PTER: variants seen among roughly 807,000 people sequenced by gnomAD.
PTER encodes phosphotriesterase related.
Under a neutral mutation model 29.6 loss-of-function variants are expected in PTER, and 38 were observed. The observed-to-expected ratio is 1.28, with a 90% CI of 0.99 to 1.68. The LOEUF is 1.68. Among genes scored for constraint, PTER ranks in the 40% most tolerant of loss-of-function variants. The pLI, the probability that PTER is intolerant of heterozygous loss-of-function variation, is 0.00. For synonymous variants in PTER, 172 were observed against 154.5 expected (o/e 1.11, Z -0.84); for missense variants, 482 against 427.8 (o/e 1.13, Z -1.12).
In PTER at chr10:16,511,015, A is replaced by G. The variant is rs568489904; in HGVS notation, c.840-31A>G. 6.3e-6 allele frequency: 10 copies of G among 1,577,432 alleles called. No homozygotes were observed. In the African/African-American group the frequency reaches 9.5e-5, roughly 15 times the overall value. On this transcript the variant is annotated intron_variant, in intron 4 of 4. Transcript: ENST00000535784. ...CCTGAAAAGCGAAAATGAAAGACAA[A>G]TGACATCTAATGAGTTAACATTTTT...
intron 1 of PTER, among the ~76,000 whole-genome samples, chr10:16,444,279 C>G (rs983295769): frequency 6.6e-6 from 1 of 152,110 alleles, no homozygotes; most frequent in South Asian, 2.1e-4. Context: ...AGGCATGAAC[C>G]ACCGCACCCG....
At chr10:16,481,890 C>T (rs533993933) in intron 1 of PTER, among the ~76,000 whole-genome samples, 9 of 152,224 alleles carry the variant, frequency 5.9e-5, no homozygotes, top group African/African-American at 1.9e-4. Flanking sequence ...ATTAATGGTA[C>T]TGTGATTTCA....
chr10:16,492,806 T>C (rs1000282471), intron 3 of PTER, among the ~76,000 whole-genome samples: 2 of 152,212 alleles, frequency 1.3e-5, no homozygotes, highest in African/African-American at 4.8e-5. Context: ...CGCATCACTG[T>C]CTTTGAAAAT....
At chr10:16,508,008 A>T (rs1836645401) in intron 4 of PTER, among the ~76,000 whole-genome samples, 1 of 150,970 alleles carries the variant, frequency 6.6e-6, no homozygotes. Flanking sequence ...AATCTCAAAA[A>T]CATGATTTCC....
intron 1 of PTER, among the ~76,000 whole-genome samples, chr10:16,473,276 C>T (rs760765513): frequency 6.6e-6 from 1 of 151,994 alleles, no homozygotes; most frequent in Non-Finnish European, 1.5e-5. Flanking sequence ...CTGATGAAGT[C>T]AAAGGAAGAT....
At chr10:16,464,945 C>A (rs893628337) in intron 1 of PTER, among the ~76,000 whole-genome samples, 4 of 152,162 alleles carry the variant, frequency 2.6e-5, no homozygotes, top group African/African-American at 9.7e-5. Context: ...TCTTACATGG[C>A]AACAGGGAAG....
intron 1 of PTER, among the ~76,000 whole-genome samples, chr10:16,461,039 A>G (rs1026482558): frequency 2.9e-4 from 44 of 152,316 alleles, no homozygotes; most frequent in African/African-American, 1.1e-3. Context: ...CATTTGATAT[A>G]TCGGCAATAT....
chr10:16,445,313 G>A (rs1833979142), intron 1 of PTER, among the ~76,000 whole-genome samples: 1 of 152,196 alleles, frequency 6.6e-6, no homozygotes, highest in Non-Finnish European at 1.5e-5. Context: ...TCAGGAGGCT[G>A]AGGCAGGAGA....
chr10:16,486,654 A>G (rs778682039), intron 3 of PTER, 37 bp downstream of exon 3: 8 of 1,571,132 alleles, frequency 5.1e-6, no homozygotes, highest in Non-Finnish European at 6.9e-6. Flanking sequence ...GCAAACTGCC[A>G]TATAATTAAT....
At chr10:16,518,787 CTT>C in the PTER span, among the ~76,000 whole-genome samples, 1 of 152,078 alleles carries the variant, frequency 6.6e-6, no homozygotes, top group South Asian at 2.1e-4. Flanking sequence ...CAGACCTGAC[CTT>C]TGAGTCAGAA....
intron 1 of PTER, among the ~76,000 whole-genome samples, chr10:16,441,245 A>G (rs1362131591): frequency 2.0e-5 from 3 of 152,234 alleles, no homozygotes; most frequent in African/African-American, 4.8e-5. Flanking sequence ...AAGTTTTCCA[A>G]TACAGAGGAA....
In PTER at chr10:16,512,510, T is replaced by C. The variant is rs2069657764; in HGVS notation, c.*1254T>C. 6.6e-6 allele frequency: 1 copy of C among 152,118 alleles called. No individual in the cohort carries two copies. The highest frequency in any genetic ancestry group is 2.4e-5 in the African/African-American group (1 of 41,440). 9.4% of individuals were successfully genotyped at this position (152,118 alleles called of 1,614,324 possible). A position where few individuals can be genotyped will look rare whatever the true frequency, so the allele number is the denominator to read the frequency against. On this transcript the variant is annotated 3_prime_UTR_variant, in exon 5 of 5. Transcript: ENST00000535784. ...TTGATGAAGAGTCTGTTTTTAATCA[T>C]AAAAATCATGACAGTTACTCAGACC...
chr10:16,488,302 T>C (rs1835777029), intron 3 of PTER, among the ~76,000 whole-genome samples: 2 of 148,422 alleles, frequency 1.3e-5, no homozygotes, highest in South Asian at 2.1e-4. Flanking sequence ...TGTAACATCT[T>C]GGACAGCTTA....
chr10:16,444,009 T>G (rs1439133179), intron 1 of PTER, among the ~76,000 whole-genome samples: 1 of 151,594 alleles, frequency 6.6e-6, no homozygotes, highest in East Asian at 1.9e-4. Context: ...TTTTTCTTTT[T>G]TTTTTTTTTT....
At chr10:16,463,684 G>A (rs1212927773) in intron 1 of PTER, among the ~76,000 whole-genome samples, 1 of 152,230 alleles carries the variant, frequency 6.6e-6, no homozygotes, top group East Asian at 1.9e-4. Context: ...CCAAACTGCT[G>A]GGATTACAGG....
intron 1 of PTER, among the ~76,000 whole-genome samples, chr10:16,438,564 C>T (rs768862082): frequency 6.6e-6 from 1 of 150,870 alleles, no homozygotes; most frequent in Non-Finnish European, 1.5e-5. Flanking sequence ...CTGCCTCGGC[C>T]TCCCAAAGTG....
chr10:16,510,012 G>A (rs1836750692), intron 4 of PTER, among the ~76,000 whole-genome samples: 1 of 151,976 alleles, frequency 6.6e-6, no homozygotes, highest in Non-Finnish European at 1.5e-5. Flanking sequence ...AAATGCTTTT[G>A]AAACAAAAAA....
At chr10:16,450,885 C>G (rs1473941400) in intron 1 of PTER, among the ~76,000 whole-genome samples, 1 of 152,174 alleles carries the variant, frequency 6.6e-6, no homozygotes, top group Non-Finnish European at 1.5e-5. Context: ...TCAGGAGTAT[C>G]AAATGCATCT....
At chr10:16,471,243 T>G (rs893358230) in intron 1 of PTER, among the ~76,000 whole-genome samples, 16 of 152,212 alleles carry the variant, frequency 1.1e-4, no homozygotes, top group African/African-American at 3.9e-4. Flanking sequence ...TTTGTGATAA[T>G]AAAGAATTTG....
Sources: allele counts gnomAD v4.1 joint callset (sites outside exome capture counted in the v4.1 genomes callset), GRCh38; gene constraint gnomAD v4.1.1; transcripts MANE v1.5; gene names NCBI Gene and HGNC (gene_info 2026-07-23, HGNC 2026-07-21).